MARCHF1: variants seen among roughly 807,000 people sequenced by gnomAD.
The protein encoded by MARCHF1 is E3 ubiquitin-protein ligase MARCHF1.
MARCHF1 carries 40 observed loss-of-function variants against 54.2 expected under a neutral mutation model. The ratio of observed to expected loss-of-function variants is 0.74; its 90% CI spans 0.57 to 0.96. MARCHF1 has a LOEUF of 0.96. MARCHF1 is among the 40% of genes least tolerant of loss of function. The pLI, the probability that MARCHF1 is intolerant of heterozygous loss-of-function variation, is 0.00. For synonymous variants in MARCHF1, 236 were observed against 236.3 expected, an observed-to-expected ratio of 1.00 and a Z score of 0.01; for missense variants, 586 against 656.5, an observed-to-expected ratio of 0.89 and a Z score of 1.17.
intron 1 of MARCHF1, among the ~76,000 whole-genome samples, chr4:164,172,541 TC>T (rs1730554497): frequency 6.6e-6 from 1 of 152,056 alleles, no homozygotes; most frequent in South Asian, 2.1e-4. Context: ...ATTATCTTGA[TC>T]CCCACACAAG....
chr4:163,931,614 T>A (rs1751678572), intron 3 of MARCHF1, among the ~76,000 whole-genome samples: 1 of 152,186 alleles, frequency 6.6e-6, no homozygotes, highest in Non-Finnish European at 1.5e-5. Flanking sequence ...ACATTTCCGT[T>A]GTTTATAAGC....
chr4:163,954,535 T>C (rs549020040), intron 3 of MARCHF1, among the ~76,000 whole-genome samples: 16 of 152,316 alleles, frequency 1.1e-4, no homozygotes, highest in African/African-American at 3.8e-4. Flanking sequence ...GCAATGTTCT[T>C]TCCTTTATAG....
intron 9 of MARCHF1, among the ~76,000 whole-genome samples, chr4:163,534,849 T>C (rs1356899211): frequency 6.6e-6 from 1 of 152,070 alleles, no homozygotes; most frequent in Non-Finnish European, 1.5e-5. Flanking sequence ...TGTTCGATAA[T>C]AGCACTGTTG....
chr4:163,826,372 A>G (rs1211938415), intron 4 of MARCHF1, among the ~76,000 whole-genome samples: 1 of 152,088 alleles, frequency 6.6e-6, no homozygotes, highest in Non-Finnish European at 1.5e-5. Context: ...AAAGAAGTCA[A>G]TGTAAGAAGA....
intron 1 of MARCHF1, among the ~76,000 whole-genome samples, chr4:164,346,590 C>CTGTA (rs1182576618): frequency 0.034 from 1,799 of 53,332 alleles, 109 homozygotes; most frequent in East Asian, 0.11. Flanking sequence ...GTCCTCAAAC[C>CTGTA]TGTATGTATG....
chr4:164,177,009 T>C (rs112758506), intron 1 of MARCHF1, among the ~76,000 whole-genome samples: 5,585 of 53,180 alleles, frequency 0.11, 616 homozygotes, highest in Non-Finnish European at 0.12. Flanking sequence ...TATATATATA[T>C]ACAAATGATA....
chr4:163,893,080 A>T (rs4621386), intron 3 of MARCHF1, among the ~76,000 whole-genome samples: 34,386 of 144,616 alleles, frequency 0.24, 4,076 homozygotes, highest in Non-Finnish European at 0.27. Flanking sequence ...TTTTTTTTTT[A>T]AATCTGGACA....
In MARCHF1 at chr4:163,984,976, T is replaced by G. The variant is rs369014715; in HGVS notation, c.-39+3525A>C. Among the ~76,000 whole-genome samples the G allele has an allele frequency of 1.7e-3, 262 of 152,286 alleles. 1 individual carries two copies. The highest frequency in any genetic ancestry group is 6.0e-3 in the African/African-American group (249 of 41,566). On this transcript the variant is annotated intron_variant, in intron 3 of 9. Transcript: ENST00000514618. ...TCCCGAGAATGTGGTTTTCCCAAGGTGTAGGTGAACCTAAACCATTTTATT... is the reference window on the plus strand; with the variant it reads ...TCCCGAGAATGTGGTTTTCCCAAGGGGTAGGTGAACCTAAACCATTTTATT...
At chr4:163,860,539 T>C (rs75683689) in intron 3 of MARCHF1, among the ~76,000 whole-genome samples, 3,697 of 152,286 alleles carry the variant, frequency 0.024, 54 homozygotes, top group South Asian at 0.053. Flanking sequence ...CTACTCTTTC[T>C]GCCCTGCCTA....
intron 4 of MARCHF1, among the ~76,000 whole-genome samples, chr4:163,781,360 C>G (rs1023066215): frequency 3.9e-5 from 6 of 152,064 alleles, no homozygotes; most frequent in African/African-American, 1.4e-4. Context: ...AAAAAAAGAA[C>G]AGAGAGAAAA....
intron 3 of MARCHF1, among the ~76,000 whole-genome samples, chr4:163,917,814 A>T (rs1475771562): frequency 1.3e-5 from 2 of 152,264 alleles, no homozygotes; most frequent in South Asian, 2.1e-4. Flanking sequence ...CCTTTGTCAG[A>T]TGGATAAATT....
At chr4:163,682,971 C>T (rs1241741006) in intron 5 of MARCHF1, among the ~76,000 whole-genome samples, 1 of 152,088 alleles carries the variant, frequency 6.6e-6, no homozygotes, top group Non-Finnish European at 1.5e-5. Flanking sequence ...TAATTTCAGT[C>T]AAGTGGCATT....
chr4:164,320,236 G>A (rs1379344696), intron 1 of MARCHF1, among the ~76,000 whole-genome samples: 1 of 152,140 alleles, frequency 6.6e-6, no homozygotes, highest in Non-Finnish European at 1.5e-5. Context: ...CAGTAATCAT[G>A]AAAATTTTCT....
At chr4:163,993,921 G>T (rs1422063082) in intron 2 of MARCHF1, among the ~76,000 whole-genome samples, 1 of 151,970 alleles carries the variant, frequency 6.6e-6, no homozygotes, top group Admixed American at 6.6e-5. Flanking sequence ...TTGTTGAAAA[G>T]ACATATGGAA....
intron 3 of MARCHF1, among the ~76,000 whole-genome samples, chr4:163,915,595 T>C (rs1285015327): frequency 6.6e-6 from 1 of 152,196 alleles, no homozygotes; most frequent in East Asian, 1.9e-4. Context: ...CTACTTGTAC[T>C]AAATATATCA....
rs561898834 is a variant in MARCHF1, at chr4:163,897,227, A to G, written c.-38-43058T>C. Among the ~76,000 whole-genome samples the G allele has an allele frequency of 2.6e-5, 4 of 152,284 alleles. No homozygotes were observed. In the South Asian group the frequency reaches 8.3e-4, roughly 32 times the overall value. On this transcript the variant is annotated intron_variant, in intron 3 of 9. Coordinates refer to ENST00000514618, the MANE Select transcript of MARCHF1 (RefSeq NM_001394959.1). ...GCTTTTCATAACTTTTCAGCTTATT[A>G]CCTCAAATATCTGATGTCAACAACT... is the stretch of plus-strand genomic sequence containing the variant.
At chr4:163,675,469 A>G (rs1036663645) in intron 5 of MARCHF1, among the ~76,000 whole-genome samples, 1 of 152,226 alleles carries the variant, frequency 6.6e-6, no homozygotes, top group African/African-American at 2.4e-5. Context: ...GGAGAGAGAG[A>G]GTGAAAGAAC....
At chr4:164,125,474 G>A (rs974395130) in intron 1 of MARCHF1, among the ~76,000 whole-genome samples, 9 of 152,092 alleles carry the variant, frequency 5.9e-5, no homozygotes, top group African/African-American at 2.2e-4. Flanking sequence ...TGTAAAATAG[G>A]AAATCCAAAA....
At chr4:164,134,033 A>G (rs1159633965) in intron 1 of MARCHF1, among the ~76,000 whole-genome samples, 1 of 152,234 alleles carries the variant, frequency 6.6e-6, no homozygotes, top group Non-Finnish European at 1.5e-5. Flanking sequence ...TAGGTATTCA[A>G]TTAAAGTTTT....
Sources: allele counts gnomAD v4.1 joint callset (sites outside exome capture counted in the v4.1 genomes callset), GRCh38; gene constraint gnomAD v4.1.1; transcripts MANE v1.5; gene names NCBI Gene and HGNC (gene_info 2026-07-23, HGNC 2026-07-21).